RXFP2: variants seen among roughly 807,000 people sequenced by gnomAD.
The protein encoded by RXFP2 is relaxin family peptide receptor 2.
RXFP2 carries 68 observed loss-of-function variants against 88.6 expected under a neutral mutation model. The ratio of observed to expected loss-of-function variants is 0.77; its 90% CI spans 0.63 to 0.94. RXFP2 has a LOEUF of 0.94. Among genes scored for constraint, RXFP2 ranks in the 40% least tolerant of loss-of-function variants. RXFP2 has a pLI of 0.00. For missense variants in RXFP2, 791 were observed against 893.9 expected (o/e 0.88, Z 1.47); for synonymous variants, 329 against 306.8 (o/e 1.07, Z -0.76).
At chr13:31,799,809 G>T (rs1443649107) in intron 17 of RXFP2, among the ~76,000 whole-genome samples, 1 of 152,166 alleles carries the variant, frequency 6.6e-6, no homozygotes, top group Admixed American at 6.5e-5. Context: ...GGAAGTCCAA[G>T]ATCAAAGTGT....
At chr13:31,754,957 A>G in intron 1 of RXFP2, among the ~76,000 whole-genome samples, 1 of 152,276 alleles carries the variant, frequency 6.6e-6, no homozygotes, top group East Asian at 1.9e-4. Context: ...ATTTTCTTAC[A>G]TTGTATGGAA....
At position 31,765,971 on chromosome 13, in the gene RXFP2, C is replaced by A. The variant is rs753190705; in HGVS notation, c.441C>A (p.Asn147Lys). The A allele has an allele frequency of 6.5e-7, 1 of 1,539,278 alleles. No homozygotes were observed. The highest frequency in any genetic ancestry group is 1.1e-5 in the South Asian group (1 of 88,518). ...GTTATTTTAGGTCTCTTAAGAAAAA[C>A]AAAATCCACAGTCTTCCAGATAAAG... ...NNVTLLSLKK[N>K]KIHSLPDKVF... The change falls in exon 5 of 18, where the codon AAC (asparagine) becomes AAA (lysine). Residue 147 changes from asparagine to lysine, a missense_variant. By Grantham distance (94) the Asn-to-Lys change is moderately conservative. Transcript: ENST00000298386.
chr13:31,771,616 G>A (rs1216647008), intron 5 of RXFP2, among the ~76,000 whole-genome samples: 4 of 151,920 alleles, frequency 2.6e-5, no homozygotes, highest in South Asian at 2.1e-4. Flanking sequence ...CATCGTGAAT[G>A]TCTCTACTAA....
intron 17 of RXFP2, among the ~76,000 whole-genome samples, chr13:31,798,565 T>C (rs561197115): frequency 1.3e-5 from 2 of 152,332 alleles, no homozygotes; most frequent in Admixed American, 1.3e-4. Context: ...TCCAATCTAT[T>C]ACTGCTACCT....
At chr13:31,794,228 A>G (rs1234425429) in intron 16 of RXFP2, among the ~76,000 whole-genome samples, 1 of 152,052 alleles carries the variant, frequency 6.6e-6, no homozygotes, top group Non-Finnish European at 1.5e-5. Flanking sequence ...ACACTACCCT[A>G]TTTGGTAGTT....
intron 5 of RXFP2, among the ~76,000 whole-genome samples, chr13:31,767,555 T>C (rs1872595365): frequency 6.6e-6 from 1 of 152,218 alleles, no homozygotes; most frequent in Non-Finnish European, 1.5e-5. Flanking sequence ...GGAAGAGATT[T>C]TCGTTTCAGA....
At position 31,754,050 on chromosome 13, in the gene RXFP2, T is replaced by C. The variant is rs560981951; in HGVS notation, c.95-4208T>C. On this transcript the variant is annotated intron_variant, in intron 1 of 17. Transcript: ENST00000298386. ...AAGAAATGCAGTCGGCAGGTTCTAT[T>C]CGTACATGTTCAGTCTCTTCCTCCC... Among the ~76,000 whole-genome samples, 6 of 152,348 alleles carry C rather than the reference T, an allele frequency of 3.9e-5. No homozygotes were observed. The South Asian group carries it at 1.2e-3, about 32-fold the overall frequency.
At chr13:31,742,002 C>T (rs993260923) in intron 1 of RXFP2, among the ~76,000 whole-genome samples, 5 of 152,132 alleles carry the variant, frequency 3.3e-5, no homozygotes, top group African/African-American at 1.2e-4. Flanking sequence ...AGACTGGGAA[C>T]TCCAAAGCCA....
chr13:31,797,446 A>ATCGTCTTC (rs1376023288), intron 17 of RXFP2, 27 bp downstream of exon 17: 1 of 1,529,900 alleles, frequency 6.5e-7, no homozygotes, highest in Non-Finnish European at 9.1e-7. Flanking sequence ...ATTCCCAAGT[A>ATCGTCTTC]TAATACATCG....
In RXFP2 at chr13:31,758,314, C is replaced by T; in HGVS notation, c.151C>T (p.Pro51Ser). ...ITPSCQKGYF[P>S]CGNLTKCLPR... ...TCCTTCATGCCAAAAAGGATATTTT[C>T]CCTGTGGGAATCTTACCAAGTGCTT... The change falls in exon 2 of 18, where the codon CCC becomes TCC. Residue 51 changes from proline to serine, a missense_variant. Physicochemically the swap from Pro to Ser is moderately conservative, Grantham distance 74. Transcript: ENST00000298386. The T allele has an allele frequency of 1.9e-6, 3 of 1,614,096 alleles. No homozygotes were observed. The highest frequency in any genetic ancestry group is 2.5e-6 in the Non-Finnish European group (3 of 1,179,982).
chr13:31,765,239 A>G, intron 4 of RXFP2, 97 bp downstream of exon 4: 1 of 765,572 alleles, frequency 1.3e-6, no homozygotes, highest in East Asian at 2.6e-5. Flanking sequence ...GCAAAATAAT[A>G]GAAACCCTGT....
chr13:31,774,940 A>C (rs1163970814), intron 6 of RXFP2, among the ~76,000 whole-genome samples: 1 of 152,146 alleles, frequency 6.6e-6, no homozygotes, highest in East Asian at 1.9e-4. Context: ...TTAGCATTTT[A>C]TTTCTTTTCT....
chr13:31,793,070 T>G lies in RXFP2; in HGVS notation c.1768T>G (p.Ser590Ala). 1 of 1,612,060 alleles carries G rather than the reference T, an allele frequency of 6.2e-7. No individual in the cohort carries two copies. Among genetic ancestry groups the G allele is most frequent in the Middle Eastern group, 1.7e-4 (1 of 6,056 alleles). ...AGAAGATATTGGAAGCAAAGGGTATTCTCTTGGAATTTTCCTAGGTAAATT... is the reference window on the plus strand; with the variant it reads ...AGAAGATATTGGAAGCAAAGGGTATGCTCTTGGAATTTTCCTAGGTAAATT... ...QTEDIGSKGY[S>A]LGIFLGVNLL... Residue 590 changes from serine to alanine, a missense_variant, in exon 16 of 18, where the codon TCT becomes GCT. Physicochemically the swap from Ser to Ala is moderately conservative, Grantham distance 99. Coordinates refer to ENST00000298386, the MANE Select transcript of RXFP2 (RefSeq NM_130806.5).
chr13:31,785,487 A>G (rs1170420052), intron 11 of RXFP2, among the ~76,000 whole-genome samples: 4 of 151,734 alleles, frequency 2.6e-5, no homozygotes, highest in Admixed American at 2.6e-4. Context: ...CCAGGCCAAG[A>G]CTGATGACTC....
rs1163969224 is a variant in RXFP2 at position 31,768,727 on chromosome 13, A to G, written c.497+2700A>G. Reference sequence around the variant, plus strand: ...CCTAGAGCAGCTCATAAGCTCAACAATGCTTCCTTAAATCTCCTTTCCTCA... The same window carrying G: ...CCTAGAGCAGCTCATAAGCTCAACAGTGCTTCCTTAAATCTCCTTTCCTCA... On this transcript the variant is annotated intron_variant, in intron 5 of 17. Transcript: ENST00000298386. 2.0e-5 allele frequency among the ~76,000 whole-genome samples: 3 copies of G among 152,212 alleles called. No individual in the cohort carries two copies. In the East Asian group the frequency reaches 5.8e-4, roughly 29 times the overall value.
intron 14 of RXFP2, among the ~76,000 whole-genome samples, chr13:31,790,582 A>C (rs1364894124): frequency 6.6e-6 from 1 of 152,210 alleles, no homozygotes; most frequent in African/African-American, 2.4e-5. Context: ...TGCGTTAGAC[A>C]CCAGGGACAT....
intron 3 of RXFP2, among the ~76,000 whole-genome samples, chr13:31,763,628 G>C (rs963157430): frequency 1.3e-5 from 2 of 152,312 alleles, no homozygotes; most frequent in East Asian, 1.9e-4. Context: ...GAGGTAGAGA[G>C]AGATGCAAAA....
At chr13:31,784,728 C>G (rs1873446063) in intron 11 of RXFP2, among the ~76,000 whole-genome samples, 1 of 152,098 alleles carries the variant, frequency 6.6e-6, no homozygotes, top group Admixed American at 6.5e-5. Context: ...AACAAGAGAC[C>G]CCAACCTGAT....
At chr13:31,775,004 T>C (rs930398481) in intron 6 of RXFP2, among the ~76,000 whole-genome samples, 2 of 152,172 alleles carry the variant, frequency 1.3e-5, no homozygotes, top group Non-Finnish European at 2.9e-5. Flanking sequence ...ACTAAGGATG[T>C]CACCAAAAAG....
Sources: gnomAD v4.1 joint callset for allele counts (sites outside exome capture counted in the v4.1 genomes callset) on GRCh38, gnomAD v4.1.1 for gene constraint, MANE v1.5 for transcripts, NCBI Gene and HGNC (gene_info 2026-07-23, HGNC 2026-07-21) for gene names.